CTNNA2: variants seen among roughly 807,000 people sequenced by gnomAD.
The protein encoded by CTNNA2 is catenin alpha-2.
A neutral mutation model predicts 101.0 loss-of-function variants in CTNNA2; 42 were observed. The observed-to-expected ratio is 0.42, with a 90% CI of 0.32 to 0.54. The LOEUF (loss-of-function observed/expected upper bound fraction) is 0.54. Among genes scored for constraint, CTNNA2 ranks in the 20% least tolerant of loss-of-function variants. The pLI, the probability that CTNNA2 is intolerant of heterozygous loss-of-function variation, is 0.14. For missense variants in CTNNA2, 871 were observed against 1,223.1 expected, an observed-to-expected ratio of 0.71 and a Z score of 4.29; for synonymous variants, 450 against 456.4, an observed-to-expected ratio of 0.99 and a Z score of 0.18.
chr2:79,867,356 A>T (rs28459871), intron 4 of CTNNA2, among the ~76,000 whole-genome samples: 1 of 150,850 alleles, frequency 6.6e-6, no homozygotes, highest in East Asian at 1.9e-4. Context: ...TCTATCTATC[A>T]ATCATCCATC....
chr2:80,026,639 A>G (rs1417208044), intron 7 of CTNNA2, among the ~76,000 whole-genome samples: 1 of 152,152 alleles, frequency 6.6e-6, no homozygotes. Flanking sequence ...TTTGAAAATT[A>G]GCTTTAATTT....
chr2:80,523,621 C>T (rs893891880), intron 9 of CTNNA2, among the ~76,000 whole-genome samples: 60 of 152,246 alleles, frequency 3.9e-4, no homozygotes, highest in Middle Eastern at 3.4e-3. Flanking sequence ...ACAGCGAGCT[C>T]GGCTCCCCTG....
chr2:80,499,693 T>A (rs868349702), intron 9 of CTNNA2, among the ~76,000 whole-genome samples: 7 of 151,818 alleles, frequency 4.6e-5, no homozygotes, highest in Admixed American at 2.6e-4. Context: ...TGGTGGTGAG[T>A]ACATGTAATC....
chr2:79,497,257 C>T (rs904360716), intron 4 of CTNNA2, among the ~76,000 whole-genome samples: 7 of 152,172 alleles, frequency 4.6e-5, no homozygotes, highest in African/African-American at 7.2e-5. Flanking sequence ...TCTGTTTCCC[C>T]AGCACGGCCC....
At chr2:79,451,227 A>G (rs1670745665) in intron 4 of CTNNA2, among the ~76,000 whole-genome samples, 1 of 152,126 alleles carries the variant, frequency 6.6e-6, no homozygotes, top group African/African-American at 2.4e-5. Flanking sequence ...TAATTTTTTC[A>G]AGTGATTGCC....
intron 7 of CTNNA2, among the ~76,000 whole-genome samples, chr2:80,099,166 A>G: frequency 6.6e-6 from 1 of 151,954 alleles, no homozygotes; most frequent in East Asian, 2.0e-4. Flanking sequence ...GAATTGTTTC[A>G]ATTCTTATGG....
intron 7 of CTNNA2, among the ~76,000 whole-genome samples, chr2:80,110,627 G>A (rs1489577995): frequency 1.3e-5 from 2 of 152,142 alleles, no homozygotes; most frequent in Non-Finnish European, 2.9e-5. Context: ...GTAGGTGAGA[G>A]AAAAAATACT....
At chr2:80,353,765 T>C (rs568846452) in intron 7 of CTNNA2, among the ~76,000 whole-genome samples, 1 of 152,308 alleles carries the variant, frequency 6.6e-6, no homozygotes, top group African/African-American at 2.4e-5. Flanking sequence ...TGAAAGTGCT[T>C]TATAAACTCT....
intron 3 of CTNNA2, among the ~76,000 whole-genome samples, chr2:79,369,830 C>T (rs899466796): frequency 2.0e-5 from 3 of 152,198 alleles, no homozygotes; most frequent in African/African-American, 4.8e-5. Context: ...GTCCCACCTC[C>T]CCTGAACACC....
At chr2:79,509,248 T>C (rs1476667003), upstream of CTNNA2, among the ~76,000 whole-genome samples, 1 of 151,746 alleles carries the variant, frequency 6.6e-6, no homozygotes, top group Non-Finnish European at 1.5e-5. Flanking sequence ...AATCCAGGGG[T>C]TCAATTGATA....
intron 4 of CTNNA2, among the ~76,000 whole-genome samples, chr2:79,478,016 C>T (rs1459967141): frequency 6.6e-6 from 1 of 152,166 alleles, no homozygotes; most frequent in Admixed American, 6.5e-5. Context: ...ACTGAAAATT[C>T]CCAGTCCCAC....
At chr2:80,042,077 G>C (rs891691754) in intron 7 of CTNNA2, among the ~76,000 whole-genome samples, 1 of 152,292 alleles carries the variant, frequency 6.6e-6, no homozygotes, top group South Asian at 2.1e-4. Context: ...CAGTTCTCCT[G>C]CCTCAGCTTC....
chr2:79,660,531 A>G (rs1343474364), intron 2 of CTNNA2, among the ~76,000 whole-genome samples: 1 of 152,094 alleles, frequency 6.6e-6, no homozygotes, highest in Non-Finnish European at 1.5e-5. Flanking sequence ...TAATATAAAC[A>G]TTTCTTAAGT....
chr2:79,223,516 A>C (rs1399070343), intron 2 of CTNNA2, among the ~76,000 whole-genome samples: 1 of 152,160 alleles, frequency 6.6e-6, no homozygotes, highest in African/African-American at 2.4e-5. Context: ...CGAAGTAGTT[A>C]CTGAGCATAG....
chr2:79,255,348 T>C (rs1372922367), intron 2 of CTNNA2, among the ~76,000 whole-genome samples: 1 of 152,174 alleles, frequency 6.6e-6, no homozygotes. Context: ...AGTGAATGTT[T>C]GTTCAGATTC....
intron 2 of CTNNA2, among the ~76,000 whole-genome samples, chr2:79,262,522 GA>G (rs554981742): frequency 1.7e-4 from 25 of 148,536 alleles, no homozygotes; most frequent in East Asian, 3.9e-4. Flanking sequence ...AAAATATAGA[GA>G]AAAAAAAAAC....
At chr2:79,601,362 A>G (rs1232239591) in intron 1 of CTNNA2, among the ~76,000 whole-genome samples, 2 of 152,204 alleles carry the variant, frequency 1.3e-5, no homozygotes, top group African/African-American at 4.8e-5. Flanking sequence ...CATGTCCTTT[A>G]GGAGAGCAGC....
intron 4 of CTNNA2, among the ~76,000 whole-genome samples, chr2:79,436,444 G>A (rs1485016424): frequency 6.6e-6 from 1 of 151,866 alleles, no homozygotes; most frequent in Non-Finnish European, 1.5e-5. Context: ...TTTAAAGCAG[G>A]GGTTCACAAT....
At chr2:79,574,607 C>T (rs1558741649) in intron 1 of CTNNA2, among the ~76,000 whole-genome samples, 1 of 152,216 alleles carries the variant, frequency 6.6e-6, no homozygotes, top group East Asian at 1.9e-4. Flanking sequence ...ATTTCTTTAT[C>T]CAGTCTGTCA....
Sources: allele counts gnomAD v4.1 joint callset (sites outside exome capture counted in the v4.1 genomes callset), GRCh38; gene constraint gnomAD v4.1.1; transcripts MANE v1.5; gene names NCBI Gene and HGNC (gene_info 2026-07-23, HGNC 2026-07-21).